The following ANKAR variants were observed in gnomAD, a reference collection of about 807,000 sequenced individuals.
The protein encoded by ANKAR is ankyrin and armadillo repeat-containing protein.
In ANKAR, 136 loss-of-function variants were observed where a neutral mutation model predicts 146.2. The observed-to-expected ratio is 0.93, with a 90% CI of 0.81 to 1.07. The LOEUF (loss-of-function observed/expected upper bound fraction) is 1.07, where lower values mean the gene tolerates loss of function less well. ANKAR is among the 50% of genes least tolerant of loss of function. The pLI, the probability that ANKAR is intolerant of heterozygous loss-of-function variation, is 0.00. For synonymous variants in ANKAR, 500 were observed against 575.8 expected, an observed-to-expected ratio of 0.87 and a Z score of 1.88; for missense variants, 1,567 against 1,679.9, an observed-to-expected ratio of 0.93 and a Z score of 1.18.
rs777656079 is a variant in ANKAR, at chr2:189,743,245, T to C, written c.3811-30T>C. 22 of 1,597,576 alleles carry C rather than the reference T, an allele frequency of 1.4e-5. No individual in the cohort carries two copies. In the African/African-American group the frequency reaches 2.7e-4, roughly 20 times the overall value. On this transcript the variant is annotated intron_variant, in intron 20 of 22. Transcript: ENST00000684021. ...AAGATATTTTAAGAACAAAGCCCAC[T>C]GGTTAAGAAAGAATTGTTTCTTCAT... is the stretch of plus-strand genomic sequence containing the variant.
intron 7 of ANKAR, among the ~76,000 whole-genome samples, chr2:189,699,494 T>G (rs921604045): frequency 6.6e-6 from 1 of 152,206 alleles, no homozygotes; most frequent in African/African-American, 2.4e-5. Flanking sequence ...TGTAAGTACC[T>G]TATAATAACA....
At chr2:189,760,784 T>C (rs1026333800) in intron 18 of ANKAR, among the ~76,000 whole-genome samples, 1 of 151,546 alleles carries the variant, frequency 6.6e-6, no homozygotes, top group Non-Finnish European at 1.5e-5. Flanking sequence ...AGTGAGACTC[T>C]GTCTCACCAA....
chr2:189,761,613 C>T (rs1475321766), downstream of ANKAR: 6 of 1,603,680 alleles, frequency 3.7e-6, no homozygotes, highest in Non-Finnish European at 4.3e-6. Context: ...TTAAAAAAAA[C>T]TCCTGCAGTC....
At chr2:189,713,292 G>A (rs1237151431) in intron 10 of ANKAR, among the ~76,000 whole-genome samples, 1 of 152,138 alleles carries the variant, frequency 6.6e-6, no homozygotes, top group Non-Finnish European at 1.5e-5. Flanking sequence ...TCCTCGAGAA[G>A]AGCAACCCCA....
Position 189,728,385 on chromosome 2 carries a change from T to A in ANKAR, c.2996T>A (p.Met999Lys). ...EQIGYSFIIN[M>K]LLSPSAKMQY... ...ATTGGATACAGCTTTATAATAAATA[T>A]GCTTTTGTCACCATCAGCTAAAATG... Residue 999 changes from methionine (M) to lysine (K), a missense_variant, in exon 14 of 23, where the codon ATG becomes AAG. Coordinates refer to ENST00000684021, the MANE Select transcript of ANKAR (RefSeq NM_001378068.1). 6.2e-7 allele frequency: 1 copy of A among 1,605,748 alleles called. No individual in the cohort carries two copies. The highest frequency in any genetic ancestry group is 2.2e-5 in the East Asian group (1 of 44,832).
At chr2:189,745,030 A>ACTACTACTACTACTAC (rs1380926394) in intron 22 of ANKAR, among the ~76,000 whole-genome samples, 4,001 of 64,988 alleles carry the variant, frequency 0.062, 109 homozygotes, top group East Asian at 0.11. Flanking sequence ...ACTACTACTA[A>ACTACTACTACTACTAC]TAATACAAAA....
rs1430695719 is a variant in ANKAR at position 189,695,179 on chromosome 2, A to G, written c.1488+18A>G. ...AATGCAAGGTATTTCAGTGACTACC[A>G]CATAATTTAGTATATGAAGTTATGT... is the stretch of plus-strand genomic sequence containing the variant. On this transcript the variant is annotated intron_variant, in intron 6 of 22. Transcript: ENST00000684021. 1.9e-6 allele frequency: 3 copies of G among 1,563,864 alleles called. No homozygotes were observed. The highest frequency in any genetic ancestry group is 2.6e-6 in the Non-Finnish European group (3 of 1,154,736).
In ANKAR at chr2:189,692,428, A is replaced by G. The variant is rs144476663; in HGVS notation, c.1203+10A>G. The G allele has an allele frequency of 2.8e-4, 448 of 1,600,184 alleles. 1 individual carries two copies. The African/African-American group carries it at 5.4e-3, about 19-fold the overall frequency. On this transcript the variant is annotated intron_variant, in intron 4 of 22. Coordinates refer to ENST00000684021, the MANE Select transcript of ANKAR (RefSeq NM_001378068.1). ...CTTGGAAGATTTTCAGGTTTAAATG[A>G]TCATTCCTTAGACAATTTATCATTT...
chr2:189,681,363 A>G (rs1032083624), intron 2 of ANKAR, among the ~76,000 whole-genome samples: 9 of 152,192 alleles, frequency 5.9e-5, no homozygotes, highest in Non-Finnish European at 5.9e-5. Flanking sequence ...ACTTGATGAC[A>G]AAGTTAGTTA....
chr2:189,727,111 C>T (rs1042295686), intron 12 of ANKAR, among the ~76,000 whole-genome samples: 3 of 151,498 alleles, frequency 2.0e-5, no homozygotes, highest in African/African-American at 7.3e-5. Flanking sequence ...AATGATAATA[C>T]CCATATTGAA....
chr2:189,753,515 A>C (rs1010795248), intron 18 of ANKAR, among the ~76,000 whole-genome samples: 5 of 152,206 alleles, frequency 3.3e-5, no homozygotes, highest in African/African-American at 1.2e-4. Flanking sequence ...TAGTGTCACG[A>C]AAGTTGGTAT....
chr2:189,684,723 C>T (rs1038390286), intron 2 of ANKAR, among the ~76,000 whole-genome samples: 3 of 150,446 alleles, frequency 2.0e-5, no homozygotes, highest in South Asian at 2.1e-4. Flanking sequence ...CCCAGATGCT[C>T]GGGAGGCTGA....
intron 18 of ANKAR, 99 bp downstream of exon 18, chr2:189,737,940 T>G: frequency 8.1e-7 from 1 of 1,227,708 alleles, no homozygotes; most frequent in Non-Finnish European, 1.1e-6. Flanking sequence ...CGTTTACTTA[T>G]TTGTAAAAAC....
chr2:189,689,281 C>T (rs920633154), intron 2 of ANKAR, among the ~76,000 whole-genome samples: 4 of 152,144 alleles, frequency 2.6e-5, no homozygotes, highest in African/African-American at 9.7e-5. Flanking sequence ...GTCTGACCTC[C>T]CATCCCATCA....
At chr2:189,732,659 T>TAA (rs10707585) in intron 16 of ANKAR, among the ~76,000 whole-genome samples, 8 of 50,382 alleles carry the variant, frequency 1.6e-4, no homozygotes, top group East Asian at 6.7e-4. Flanking sequence ...AGACTCCATC[T>TAA]AAAAAAAAAA....
At chr2:189,732,230 T>A (rs930104235) in intron 16 of ANKAR, among the ~76,000 whole-genome samples, 9 of 152,216 alleles carry the variant, frequency 5.9e-5, no homozygotes, top group Admixed American at 1.3e-4. Context: ...TAAAAACTTA[T>A]CTACTGAGTC....
chr2:189,738,147 G>C (rs1223229281), intron 18 of ANKAR, among the ~76,000 whole-genome samples: 1 of 152,064 alleles, frequency 6.6e-6, no homozygotes, highest in Non-Finnish European at 1.5e-5. Flanking sequence ...AAGTAAATAG[G>C]TAGAAAAACA....
intron 8 of ANKAR, 120 bp from the exon 9 acceptor site, chr2:189,706,818 T>C: frequency 1.5e-6 from 1 of 666,172 alleles, no homozygotes; most frequent in Non-Finnish European, 2.5e-6. Context: ...AGATGAGAAT[T>C]CCTAAGAATA....
intron 2 of ANKAR, among the ~76,000 whole-genome samples, chr2:189,681,523 G>A (rs1418128059): frequency 6.6e-6 from 1 of 152,214 alleles, no homozygotes; most frequent in Non-Finnish European, 1.5e-5. Context: ...CAAGTTGTAG[G>A]TGGAAACAGA....
Sources: allele counts gnomAD v4.1 joint callset (sites outside exome capture counted in the v4.1 genomes callset), GRCh38; gene constraint gnomAD v4.1.1; transcripts MANE v1.5; gene names NCBI Gene and HGNC (gene_info 2026-07-23, HGNC 2026-07-21).